Variants in VEPH1 observed in about 807,000 individuals in gnomAD.
VEPH1 encodes the protein ventricular zone-expressed PH domain-containing protein homolog 1.
VEPH1 carries 80 observed loss-of-function variants against 85.2 expected under a neutral mutation model. The observed-to-expected ratio is 0.94, with a 90% CI of 0.78 to 1.13. VEPH1 has a LOEUF of 1.13. Ranked by LOEUF, VEPH1 falls within the 50% of genes most tolerant of loss-of-function variation. The pLI is 0.00. For missense variants in VEPH1, 955 were observed against 980.5 expected (o/e 0.97, Z 0.35); for synonymous variants, 297 against 348.0 (o/e 0.85, Z 1.63).
At chr3:157,373,318 A>G (rs1048826984) in intron 7 of VEPH1, among the ~76,000 whole-genome samples, 2 of 152,226 alleles carry the variant, frequency 1.3e-5, no homozygotes, top group African/African-American at 4.8e-5. Flanking sequence ...GTAACCAAGA[A>G]GAGTTATTAC....
rs1738012207 is a variant in VEPH1 at position 157,481,263 on chromosome 3, G to C, written c.139-10734C>G. ...CTCTAGGTTATCTGTTTACTTTGTT[G>C]ATAGTTTCTTTTGCTGTGCAGAAAG... On this transcript the variant is annotated intron_variant, in intron 2 of 13. Coordinates refer to ENST00000362010, the MANE Select transcript of VEPH1 (RefSeq NM_001167912.2). Among the ~76,000 whole-genome samples the C allele has an allele frequency of 1.3e-5, 2 of 151,838 alleles. 1 individual carries two copies. Among genetic ancestry groups the C allele is most frequent in the South Asian group, 4.2e-4 (2 of 4,812 alleles).
rs563473454 is a variant in VEPH1, at chr3:157,398,628, G to A, written c.906+15253C>T. Among the ~76,000 whole-genome samples, 10 of 107,478 alleles carry A rather than the reference G, an allele frequency of 9.3e-5. No homozygotes were observed. In the South Asian group the frequency reaches 3.7e-3, roughly 39 times the overall value. 70.5% of individuals were successfully genotyped at this position (107,478 alleles called of 152,430 possible). ...CAGCCTGGCAACAGAGTGAGACTCT[G>A]TCTCAAAGAAAAAAAAAAAAAGGAG... On this transcript the variant is annotated intron_variant, in intron 6 of 13. Transcript: ENST00000362010.
At chr3:157,486,365 G>T (rs539110630) in intron 2 of VEPH1, among the ~76,000 whole-genome samples, 2 of 151,870 alleles carry the variant, frequency 1.3e-5, no homozygotes, top group Admixed American at 1.3e-4. Flanking sequence ...GTGTGGTGGT[G>T]GGCACCTGTA....
intron 2 of VEPH1, among the ~76,000 whole-genome samples, chr3:157,480,545 G>T (rs986260918): frequency 1.2e-4 from 18 of 152,000 alleles, no homozygotes; most frequent in African/African-American, 4.4e-4. Flanking sequence ...AGTGAAAAAA[G>T]TATCATATTT....
At chr3:157,281,357 C>T (rs1329735220) in intron 12 of VEPH1, among the ~76,000 whole-genome samples, 1 of 152,068 alleles carries the variant, frequency 6.6e-6, no homozygotes, top group African/African-American at 2.4e-5. Flanking sequence ...TTTACATAAT[C>T]AATATATACT....
chr3:157,457,512 TG>T (rs1439297282), intron 4 of VEPH1, among the ~76,000 whole-genome samples: 1 of 152,218 alleles, frequency 6.6e-6, no homozygotes, highest in African/African-American at 2.4e-5. Flanking sequence ...ATGTTGGCTG[TG>T]GGTTTGCCAT....
At chr3:157,268,872 C>T (rs931096480) in intron 12 of VEPH1, among the ~76,000 whole-genome samples, 1 of 152,086 alleles carries the variant, frequency 6.6e-6, no homozygotes, top group Admixed American at 6.6e-5. Context: ...CTCAGCCTCC[C>T]GAGTAGCTGG....
intron 11 of VEPH1, among the ~76,000 whole-genome samples, chr3:157,302,754 A>C (rs1216051068): frequency 6.6e-6 from 1 of 152,072 alleles, no homozygotes; most frequent in Non-Finnish European, 1.5e-5. Context: ...TAGACCACAA[A>C]AAAATCTAAG....
rs377689280 is a variant in VEPH1 at position 157,433,811 on chromosome 3, T to C, written c.530-5323A>G. Among the ~76,000 whole-genome samples the C allele has an allele frequency of 1.1e-4, 16 of 152,348 alleles. No individual in the cohort carries two copies. The East Asian group carries it at 2.7e-3, about 26-fold the overall frequency. On this transcript the variant is annotated intron_variant, in intron 4 of 13. Transcript: ENST00000362010. Reference sequence around the variant, plus strand: ...GTACAAAACGGGGATTATGTGTTCCTTGAATGTTTGGTAGAACTTGTCCAT... The same window carrying C: ...GTACAAAACGGGGATTATGTGTTCCCTGAATGTTTGGTAGAACTTGTCCAT...
At chr3:157,420,629 A>C (rs938940063) in intron 5 of VEPH1, among the ~76,000 whole-genome samples, 2 of 152,188 alleles carry the variant, frequency 1.3e-5, no homozygotes, top group Non-Finnish European at 2.9e-5. Context: ...TCTGCAAATG[A>C]CTTCTTATTT....
intron 4 of VEPH1, chr3:157,436,820 T>C (rs971640721): frequency 8.3e-6 from 9 of 1,079,260 alleles, no homozygotes; most frequent in Non-Finnish European, 1.1e-5. Flanking sequence ...TTCCTCAGCA[T>C]TTATTAAGGA....
intron 3 of VEPH1, among the ~76,000 whole-genome samples, chr3:157,467,809 C>G (rs1270858105): frequency 6.6e-6 from 1 of 152,214 alleles, no homozygotes; most frequent in African/African-American, 2.4e-5. Context: ...AGCCTTCAGT[C>G]CTTTTCTCTT....
chr3:157,485,412 T>G (rs1048119924), intron 2 of VEPH1, among the ~76,000 whole-genome samples: 2 of 152,132 alleles, frequency 1.3e-5, no homozygotes, highest in African/African-American at 4.8e-5. Flanking sequence ...ATTTCAGAGA[T>G]TTTAATATGG....
chr3:157,442,667 AG>A, intron 4 of VEPH1: 1 of 1,614,206 alleles, frequency 6.2e-7, no homozygotes, highest in Non-Finnish European at 8.5e-7. Context: ...ATTCAGAGGA[AG>A]GGCTCACATC....
intron 5 of VEPH1, among the ~76,000 whole-genome samples, chr3:157,419,528 A>T (rs930473410): frequency 1.3e-5 from 2 of 152,142 alleles, no homozygotes; most frequent in African/African-American, 4.8e-5. Context: ...AATAGCCACT[A>T]CTCAAAAGAA....
intron 9 of VEPH1, among the ~76,000 whole-genome samples, chr3:157,320,393 G>A (rs895074463): frequency 6.6e-6 from 1 of 152,176 alleles, no homozygotes; most frequent in Non-Finnish European, 1.5e-5. Flanking sequence ...TGAACTTAAA[G>A]TGTGAGAGAA....
At chr3:157,482,345 T>TC (rs1738187539) in intron 2 of VEPH1, among the ~76,000 whole-genome samples, 1 of 152,060 alleles carries the variant, frequency 6.6e-6, no homozygotes, top group Non-Finnish European at 1.5e-5. Context: ...TGCCTAAGCC[T>TC]CCCAAAATAG....
chr3:157,432,694 C>T (rs1330358544), intron 4 of VEPH1, among the ~76,000 whole-genome samples: 13 of 152,082 alleles, frequency 8.5e-5, no homozygotes, highest in Admixed American at 8.5e-4. Context: ...ATCATTATAT[C>T]CCATAGGACC....
chr3:157,438,451 CAAG>C (rs768208961), intron 4 of VEPH1, among the ~76,000 whole-genome samples: 16 of 152,146 alleles, frequency 1.1e-4, no homozygotes, highest in Non-Finnish European at 1.8e-4. Context: ...CCATTCTCAG[CAAG>C]AAACTTGAGG....
Sources: allele counts gnomAD v4.1 joint callset (sites outside exome capture counted in the v4.1 genomes callset), GRCh38; gene constraint gnomAD v4.1.1; transcripts MANE v1.5; gene names NCBI Gene and HGNC (gene_info 2026-07-23, HGNC 2026-07-21).